PRUNE2: variants seen among roughly 807,000 people sequenced by gnomAD.
PRUNE2 encodes prune homolog 2 with BCH domain.
PRUNE2 carries 164 observed loss-of-function variants against 252.0 expected under a neutral mutation model. The ratio of observed to expected loss-of-function variants is 0.65; its 90% CI spans 0.57 to 0.74. The LOEUF is 0.74. Among genes scored for constraint, PRUNE2 ranks in the 30% least tolerant of loss-of-function variants. PRUNE2 has a pLI of 0.00. For synonymous variants in PRUNE2, 1,292 were observed against 1,350.2 expected (o/e 0.96, Z 0.94); for missense variants, 3,495 against 3,711.0 (o/e 0.94, Z 1.51).
At chr9:76,625,264 C>A (rs985466143) in intron 16 of PRUNE2, among the ~76,000 whole-genome samples, 1 of 152,260 alleles carries the variant, frequency 6.6e-6, no homozygotes, top group African/African-American at 2.4e-5. Flanking sequence ...TTGACAGTAT[C>A]TTTTCTACGT....
At chr9:76,642,676 T>G (rs1432855253) in intron 12 of PRUNE2, among the ~76,000 whole-genome samples, 4 of 152,128 alleles carry the variant, frequency 2.6e-5, no homozygotes, top group African/African-American at 9.7e-5. Flanking sequence ...ACTCAGTAGG[T>G]TGGTAAGTAA....
rs1359034613 is a variant in PRUNE2, at chr9:76,826,687, G to C, written c.554C>G (p.Ser185Ter). 6.2e-7 allele frequency: 1 copy of C among 1,612,528 alleles called. No individual in the cohort carries two copies. ...AGAAAGAATTTCCTCCTGCTTCTCT[G>C]AGATCTTCTCTGATTCCATGGTCAT... is the stretch of plus-strand genomic sequence containing the variant. ...KWMTMESEKI[S>*]EKQEEILSIL... Residue 185 changes from serine to a stop codon, truncating the protein, a stop_gained, in exon 5 of 19, where the codon TCA becomes TGA. Transcript: ENST00000376718. LOFTEE classifies it high-confidence loss of function.
chr9:76,840,970 A>T (rs1466401913), intron 4 of PRUNE2, among the ~76,000 whole-genome samples: 3 of 151,590 alleles, frequency 2.0e-5, no homozygotes, highest in African/African-American at 7.3e-5. Flanking sequence ...AACAAGCGCG[A>T]GACTTCCTCT....
intron 6 of PRUNE2, among the ~76,000 whole-genome samples, chr9:76,821,686 T>C (rs1322132061): frequency 6.6e-6 from 1 of 152,166 alleles, no homozygotes; most frequent in African/African-American, 2.4e-5. Flanking sequence ...CAAGATCATA[T>C]AACACTTTCA....
intron 9 of PRUNE2, among the ~76,000 whole-genome samples, chr9:76,696,117 A>G (rs115261803): frequency 1.3e-5 from 2 of 152,320 alleles, no homozygotes; most frequent in African/African-American, 4.8e-5. Context: ...CTCCGACGTC[A>G]GCAAGTATTC....
chr9:76,826,828 T>G, intron 4 of PRUNE2, 96 bp from the exon 5 acceptor site: 1 of 1,038,458 alleles, frequency 9.6e-7, no homozygotes, highest in African/African-American at 1.6e-5. Context: ...AATCTAAGCT[T>G]TCCATTTCTG....
chr9:76,629,910 C>T (rs548735282), intron 15 of PRUNE2, among the ~76,000 whole-genome samples: 1 of 152,284 alleles, frequency 6.6e-6, no homozygotes, highest in South Asian at 2.1e-4. Context: ...CTTATTACAG[C>T]CTAGTGAGGT....
At chr9:76,676,543 T>C (rs1353701434) in intron 9 of PRUNE2, among the ~76,000 whole-genome samples, 1 of 152,172 alleles carries the variant, frequency 6.6e-6, no homozygotes, top group Non-Finnish European at 1.5e-5. Context: ...CAGTTACCTA[T>C]GTGGAGTAGG....
At chr9:76,787,496 G>C (rs1441568846) in intron 6 of PRUNE2, 1 of 152,030 alleles carries the variant, frequency 6.6e-6, no homozygotes, top group Admixed American at 6.6e-5. Flanking sequence ...TATGGCACAC[G>C]TATACCTGTG....
intron 1 of PRUNE2, chr9:76,857,180 T>C (rs925963712): frequency 2.2e-6 from 1 of 455,152 alleles, no homozygotes; most frequent in Non-Finnish European, 4.4e-6. Flanking sequence ...CCAGCGCATA[T>C]ACAGTTTCCA....
At chr9:76,630,231 CTT>C (rs58831160) in intron 15 of PRUNE2, among the ~76,000 whole-genome samples, 1 of 131,884 alleles carries the variant, frequency 7.6e-6, no homozygotes, top group African/African-American at 2.8e-5. Context: ...ACTCATTTTT[CTT>C]TTTTTTTTAG....
At chr9:76,624,573 G>T in intron 16 of PRUNE2, 83 bp from the exon 17 acceptor site, 1 of 1,012,622 alleles carries the variant, frequency 9.9e-7, no homozygotes, top group Non-Finnish European at 1.3e-6. Flanking sequence ...GCAAAGCAGG[G>T]CCAAATGAAA....
At chr9:76,774,462 T>TATTTATTTATTTATTTATTTA (rs1554761662) in intron 6 of PRUNE2, among the ~76,000 whole-genome samples, 25 of 104,252 alleles carry the variant, frequency 2.4e-4, no homozygotes, top group African/African-American at 8.3e-4. Context: ...TTTTTTTTTT[T>TATTTATTTATTTATTTATTTA]TTTTTTTTTT....
chr9:76,750,558 T>C (rs2135721380), intron 6 of PRUNE2, among the ~76,000 whole-genome samples: 1 of 152,260 alleles, frequency 6.6e-6, no homozygotes, highest in East Asian at 1.9e-4. Context: ...TGAAATCCAG[T>C]TCACAATCCC....
At chr9:76,752,073 G>C (rs547366343) in intron 6 of PRUNE2, among the ~76,000 whole-genome samples, 1 of 146,700 alleles carries the variant, frequency 6.8e-6, no homozygotes, top group Non-Finnish European at 1.5e-5. Flanking sequence ...ATCAACGACT[G>C]ACTCAATTCC....
At chr9:76,901,624 T>G (rs151271905) in intron 1 of PRUNE2, among the ~76,000 whole-genome samples, 66 of 152,370 alleles carry the variant, frequency 4.3e-4, no homozygotes, top group Middle Eastern at 3.4e-3. Context: ...TCTTTCTTTC[T>G]TTTTAAAACC....
intron 2 of PRUNE2, 44 bp from the exon 3 acceptor site, chr9:76,850,709 G>A (rs1244351096): frequency 3.6e-6 from 5 of 1,396,092 alleles, no homozygotes; most frequent in Non-Finnish European, 5.1e-6. Flanking sequence ...ATAGCAGGAG[G>A]AAAGAATACA....
At chr9:76,734,751 G>A (rs2135469244) in intron 6 of PRUNE2, among the ~76,000 whole-genome samples, 1 of 152,288 alleles carries the variant, frequency 6.6e-6, no homozygotes, top group Non-Finnish European at 1.5e-5. Context: ...GGTGTGGCAG[G>A]TGACCCAGGC....
chr9:76,850,342 C>T (rs1564434721), intron 3 of PRUNE2, 121 bp downstream of exon 3: 2 of 765,894 alleles, frequency 2.6e-6, no homozygotes, highest in South Asian at 1.7e-5. Context: ...CCACCATGAC[C>T]AGCATGTCCT....
Sources: gnomAD v4.1 joint callset for allele counts (sites outside exome capture counted in the v4.1 genomes callset) on GRCh38, gnomAD v4.1.1 for gene constraint, MANE v1.5 for transcripts, NCBI Gene and HGNC (gene_info 2026-07-23, HGNC 2026-07-21) for gene names.